CMSS1: variants seen among roughly 807,000 people sequenced by gnomAD.
CMSS1 encodes cms1 ribosomal small subunit homolog, also known as protein CMSS1.
Under a neutral mutation model 43.5 loss-of-function variants are expected in CMSS1, and 33 were observed. That is an observed-to-expected ratio of 0.76 (90% CI 0.57 to 1.01). The LOEUF (loss-of-function observed/expected upper bound fraction) is 1.01, where lower values mean the gene tolerates loss of function less well. Ranked by LOEUF, CMSS1 falls within the 50% of genes least tolerant of loss-of-function variation. The pLI is 0.00. For missense variants in CMSS1, 313 were observed against 326.4 expected (o/e 0.96, Z 0.32); for synonymous variants, 115 against 117.2 (o/e 0.98, Z 0.12).
intron 1 of CMSS1, among the ~76,000 whole-genome samples, chr3:100,115,360 A>G (rs1244446572): frequency 1.3e-5 from 2 of 152,230 alleles, no homozygotes; most frequent in Non-Finnish European, 2.9e-5. Flanking sequence ...CACAGATGAT[A>G]GATATAAGAC....
intron 1 of CMSS1, among the ~76,000 whole-genome samples, chr3:99,842,536 C>T (rs1434680442): frequency 6.6e-6 from 1 of 151,176 alleles, no homozygotes; most frequent in Non-Finnish European, 1.5e-5. Context: ...TCTCAGGTAA[C>T]CCCTCAAATA....
At chr3:100,061,430 C>G (rs985190489) in intron 1 of CMSS1, among the ~76,000 whole-genome samples, 1 of 152,140 alleles carries the variant, frequency 6.6e-6, no homozygotes, top group Middle Eastern at 3.2e-3. Context: ...CTTGGTTATT[C>G]CAGGGTGTTA....
At chr3:100,075,386 T>G (rs2065834146) in intron 1 of CMSS1, among the ~76,000 whole-genome samples, 2 of 152,236 alleles carry the variant, frequency 1.3e-5, no homozygotes, top group African/African-American at 4.8e-5. Flanking sequence ...GAAGGGCTTA[T>G]GATAACGAGC....
At chr3:100,144,148 G>A (rs1348261628) in intron 1 of CMSS1, among the ~76,000 whole-genome samples, 2 of 152,072 alleles carry the variant, frequency 1.3e-5, no homozygotes, top group South Asian at 2.1e-4. Flanking sequence ...TCTGTGCGGG[G>A]GAGGAGTAGG....
chr3:100,088,514 G>A (rs6790187), intron 1 of CMSS1, among the ~76,000 whole-genome samples: 1,787 of 152,202 alleles, frequency 0.012, 23 homozygotes, highest in African/African-American at 0.026. Flanking sequence ...ATATTTGTAG[G>A]AAATGAATAT....
At chr3:99,862,673 A>AT (rs1326270269) in intron 1 of CMSS1, among the ~76,000 whole-genome samples, 2 of 152,212 alleles carry the variant, frequency 1.3e-5, no homozygotes, top group Admixed American at 1.3e-4. Flanking sequence ...TTGCAGAGAA[A>AT]TTGAGTCTGG....
intron 1 of CMSS1, among the ~76,000 whole-genome samples, chr3:99,906,369 A>T (rs1318755053): frequency 6.6e-6 from 1 of 152,084 alleles, no homozygotes; most frequent in African/African-American, 2.4e-5. Context: ...TTGGGTTGTC[A>T]GTCTTATTTT....
At chr3:100,140,446 A>G (rs778221890) in intron 1 of CMSS1, among the ~76,000 whole-genome samples, 2 of 152,132 alleles carry the variant, frequency 1.3e-5, no homozygotes, top group Non-Finnish European at 2.9e-5. Flanking sequence ...CATGCATTAT[A>G]TAGCTTCTTA....
At chr3:99,849,498 A>C in intron 1 of CMSS1, 1 of 1,613,230 alleles carries the variant, frequency 6.2e-7, no homozygotes, top group Non-Finnish European at 8.5e-7. Context: ...TGTATTCATG[A>C]ATTTTCTCTT....
At chr3:99,862,631 G>A (rs1944319020) in intron 1 of CMSS1, among the ~76,000 whole-genome samples, 1 of 152,194 alleles carries the variant, frequency 6.6e-6, no homozygotes, top group South Asian at 2.1e-4. Context: ...ACTACTGAAT[G>A]TCTCCAGACA....
At chr3:99,830,354 A>T (rs1258639925) in intron 1 of CMSS1, 1 of 363,538 alleles carries the variant, frequency 2.8e-6, no homozygotes, top group African/African-American at 2.1e-5. Context: ...TCATAGTGGT[A>T]ATTTTAGCTT....
chr3:99,889,507 A>G (rs970968623), intron 1 of CMSS1, among the ~76,000 whole-genome samples: 6 of 152,028 alleles, frequency 3.9e-5, no homozygotes, highest in Non-Finnish European at 7.4e-5. Flanking sequence ...AGGAATTATA[A>G]TTGTTAAAAT....
intron 1 of CMSS1, among the ~76,000 whole-genome samples, chr3:99,864,356 G>A (rs1484454332): frequency 1.3e-5 from 2 of 152,106 alleles, no homozygotes; most frequent in African/African-American, 2.4e-5. Flanking sequence ...TCTACTCTGT[G>A]CCACTAGATC....
At chr3:99,961,283 GATT>G (rs1708482471) in intron 1 of CMSS1, among the ~76,000 whole-genome samples, 1 of 152,092 alleles carries the variant, frequency 6.6e-6, no homozygotes, top group African/African-American at 2.4e-5. Context: ...TTGTGGGTTG[GATT>G]ATTTTGTTTT....
At chr3:99,854,078 G>C (rs1302732190) in intron 1 of CMSS1, among the ~76,000 whole-genome samples, 1 of 152,120 alleles carries the variant, frequency 6.6e-6, no homozygotes, top group African/African-American at 2.4e-5. Flanking sequence ...AGTGATGAAT[G>C]GTCCACCCTA....
chr3:99,844,144 A>G (rs1185946352), intron 1 of CMSS1, among the ~76,000 whole-genome samples: 3 of 152,158 alleles, frequency 2.0e-5, no homozygotes, highest in Admixed American at 6.5e-5. Context: ...ACTGGGAGAG[A>G]GTATCTTACA....
chr3:100,021,948 TGTGTGTGTGTGTGAGAGAGAGA>T (rs2064827661), intron 1 of CMSS1, among the ~76,000 whole-genome samples: 1 of 129,566 alleles, frequency 7.7e-6, no homozygotes, highest in East Asian at 2.3e-4. Flanking sequence ...TGTGTGTGTG[TGTGTGTGTGTGTGAGAGAGAGA>T]GAGAGAGAGA....
intron 2 of CMSS1, among the ~76,000 whole-genome samples, chr3:100,152,261 C>G (rs765245795): frequency 5.9e-5 from 9 of 151,700 alleles, no homozygotes; most frequent in African/African-American, 2.2e-4. Flanking sequence ...GCTAATGCAG[C>G]CTGCTTCTTG....
intron 1 of CMSS1, among the ~76,000 whole-genome samples, chr3:99,965,119 GA>G (rs1708610887): frequency 6.6e-6 from 1 of 152,158 alleles, no homozygotes; most frequent in African/African-American, 2.4e-5. Flanking sequence ...ATTGGTCCAG[GA>G]AAATGTTTTC....
Sources: gnomAD v4.1 joint callset for allele counts (sites outside exome capture counted in the v4.1 genomes callset) on GRCh38, gnomAD v4.1.1 for gene constraint, MANE v1.5 for transcripts, NCBI Gene and HGNC (gene_info 2026-07-23, HGNC 2026-07-21) for gene names.